The following RGS7 variants were observed in gnomAD, a reference collection of about 807,000 sequenced individuals.
The protein encoded by RGS7 is regulator of G-protein signaling 7.
RGS7 carries 27 observed loss-of-function variants against 81.1 expected under a neutral mutation model. The ratio of observed to expected loss-of-function variants is 0.33; its 90% confidence interval spans 0.25 to 0.46. The LOEUF (loss-of-function observed/expected upper bound fraction) is 0.46. Among genes scored for constraint, RGS7 ranks in the 20% least tolerant of loss-of-function variants. RGS7 has a pLI of 1.00. For synonymous variants in RGS7, 208 were observed against 207.7 expected (o/e 1.00, Z -0.01); for missense variants, 396 against 607.4 (o/e 0.65, Z 3.66).
At chr1:240,823,784 A>G (rs59725230) in intron 10 of RGS7, among the ~76,000 whole-genome samples, 4,083 of 151,972 alleles carry the variant, frequency 0.027, 193 homozygotes, top group African/African-American at 0.093. Context: ...TCAATGCCTT[A>G]ATATAAATCT....
chr1:240,857,750 G>T (rs937701777), intron 9 of RGS7, among the ~76,000 whole-genome samples: 1 of 152,066 alleles, frequency 6.6e-6, no homozygotes, highest in Non-Finnish European at 1.5e-5. Flanking sequence ...GATATGGTTT[G>T]GCTGTGTCCC....
intron 2 of RGS7, among the ~76,000 whole-genome samples, chr1:241,325,789 C>T (rs1371927812): frequency 6.6e-6 from 1 of 151,862 alleles, no homozygotes; most frequent in Non-Finnish European, 1.5e-5. Flanking sequence ...AATATTGAGA[C>T]ACATACAGAG....
intron 2 of RGS7, among the ~76,000 whole-genome samples, chr1:241,128,004 T>C (rs930380496): frequency 4.6e-5 from 7 of 151,742 alleles, no homozygotes; most frequent in African/African-American, 1.7e-4. Flanking sequence ...ATGGGTCGGG[T>C]GTGGTGGCTC....
At chr1:241,090,326 G>A (rs909265289) in intron 3 of RGS7, among the ~76,000 whole-genome samples, 2 of 152,048 alleles carry the variant, frequency 1.3e-5, no homozygotes, top group African/African-American at 4.8e-5. Flanking sequence ...GAGTCAAGGC[G>A]ACCCCGGCAT....
chr1:241,200,765 T>C (rs1012370158), intron 2 of RGS7, among the ~76,000 whole-genome samples: 1 of 152,198 alleles, frequency 6.6e-6, no homozygotes, highest in Non-Finnish European at 1.5e-5. Context: ...TTAGTTTCTG[T>C]TCATCTTTGA....
intron 2 of RGS7, among the ~76,000 whole-genome samples, chr1:241,221,080 GAAGGAAGGAAGA>G (rs1176315096): frequency 5.2e-5 from 7 of 135,876 alleles, no homozygotes; most frequent in African/African-American, 8.2e-5. Context: ...AGAAAGGAAG[GAAGGAAGGAAGA>G]AAGGAAGGAA....
chr1:241,221,438 T>C (rs2075006563), intron 2 of RGS7, among the ~76,000 whole-genome samples: 1 of 152,200 alleles, frequency 6.6e-6, no homozygotes, highest in Non-Finnish European at 1.5e-5. Context: ...TCCATGGATA[T>C]AGTGACGTGA....
At chr1:241,107,938 C>A (rs749522383) in intron 2 of RGS7, among the ~76,000 whole-genome samples, 40 of 151,828 alleles carry the variant, frequency 2.6e-4, no homozygotes, top group Non-Finnish European at 8.8e-5. Flanking sequence ...AGTTATATAG[C>A]AGAAAAAAGT....
intron 3 of RGS7, among the ~76,000 whole-genome samples, chr1:241,036,940 G>A (rs1196714985): frequency 1.3e-5 from 2 of 152,142 alleles, no homozygotes; most frequent in East Asian, 1.9e-4. Flanking sequence ...TACTTAAGTT[G>A]AAAGGACCCA....
At chr1:240,877,228 C>T (rs1323307950) in intron 6 of RGS7, among the ~76,000 whole-genome samples, 1 of 149,838 alleles carries the variant, frequency 6.7e-6, no homozygotes, top group African/African-American at 2.5e-5. Flanking sequence ...TGTAAAAGTC[C>T]AGAAAAATAT....
intron 18 of RGS7, among the ~76,000 whole-genome samples, chr1:240,779,503 CA>C (rs35230381): frequency 0.21 from 31,539 of 151,932 alleles, 5,098 homozygotes; most frequent in African/African-American, 0.46. Flanking sequence ...CCCCTCCCAC[CA>C]GGTGAGGACA....
chr1:241,228,187 A>G (rs974247669), intron 2 of RGS7, among the ~76,000 whole-genome samples: 3 of 152,208 alleles, frequency 2.0e-5, no homozygotes, highest in Non-Finnish European at 4.4e-5. Flanking sequence ...TCTAGTCAAT[A>G]GAGTATCAGG....
chr1:240,985,490 A>C (rs910248063), intron 3 of RGS7, among the ~76,000 whole-genome samples: 1 of 152,068 alleles, frequency 6.6e-6, no homozygotes, highest in African/African-American at 2.4e-5. Context: ...ATTTAAAAGT[A>C]TGTTTAATTC....
intron 2 of RGS7, among the ~76,000 whole-genome samples, chr1:241,141,123 C>T (rs571462877): frequency 3.3e-5 from 5 of 152,282 alleles, no homozygotes; most frequent in East Asian, 3.9e-4. Flanking sequence ...TCCATACAGG[C>T]GTTTTTTAGT....
chr1:241,248,780 G>A (rs536013893), intron 2 of RGS7, among the ~76,000 whole-genome samples: 3 of 152,118 alleles, frequency 2.0e-5, no homozygotes, highest in African/African-American at 7.2e-5. Flanking sequence ...CCTCCTTTTC[G>A]GATGAGTGGA....
intron 2 of RGS7, among the ~76,000 whole-genome samples, chr1:241,255,472 A>AC (rs1248239261): frequency 6.6e-6 from 1 of 152,218 alleles, no homozygotes; most frequent in African/African-American, 2.4e-5. Context: ...TCCTACCTAA[A>AC]CAAAAGGCAT....
At chr1:240,993,227 AAAG>A (rs1686769600) in intron 3 of RGS7, among the ~76,000 whole-genome samples, 1 of 151,122 alleles carries the variant, frequency 6.6e-6, no homozygotes, top group Non-Finnish European at 1.5e-5. Context: ...GGAAGGAAGG[AAAG>A]AAGGAGAAAG....
intron 2 of RGS7, among the ~76,000 whole-genome samples, chr1:241,278,856 A>G (rs180915414): frequency 2.0e-5 from 3 of 152,180 alleles, no homozygotes; most frequent in African/African-American, 7.2e-5. Context: ...GACATTTAGG[A>G]TGGCACACAC....
chr1:241,172,082 T>A (rs1396282261), intron 2 of RGS7, among the ~76,000 whole-genome samples: 2 of 152,220 alleles, frequency 1.3e-5, no homozygotes, highest in Non-Finnish European at 1.5e-5. Context: ...CTCAGACAAG[T>A]CCTTAGCAAC....
Sources: allele counts gnomAD v4.1 joint callset (sites outside exome capture counted in the v4.1 genomes callset), GRCh38; gene constraint gnomAD v4.1.1; transcripts MANE v1.5; gene names NCBI Gene and HGNC (gene_info 2026-07-23, HGNC 2026-07-21).